The following PRUNE2 variants were observed in gnomAD, a reference collection of about 807,000 sequenced individuals.
The protein encoded by PRUNE2 is protein prune homolog 2.
Under a neutral mutation model 252.0 loss-of-function variants are expected in PRUNE2, and 164 were observed. That is an observed-to-expected ratio of 0.65 (90% confidence interval 0.57 to 0.74). The LOEUF is 0.74. Among genes scored for constraint, PRUNE2 ranks in the 30% least tolerant of loss-of-function variants. The pLI is 0.00. For synonymous variants in PRUNE2, 1,292 were observed against 1,350.2 expected (o/e 0.96, Z 0.94); for missense variants, 3,495 against 3,711.0 (o/e 0.94, Z 1.51).
In PRUNE2 at chr9:76,683,537, C is replaced by A. The variant is rs13298708; in HGVS notation, c.8276+19800G>T. On this transcript the variant is annotated intron_variant, in intron 9 of 18. Transcript: ENST00000376718. ...TTTTGTCACCCATCACCCAAAATGACCTCACTGATAAAACAGATTGGGAAA... is the reference window on the plus strand; with the variant it reads ...TTTTGTCACCCATCACCCAAAATGAACTCACTGATAAAACAGATTGGGAAA... Among the ~76,000 whole-genome samples the A allele has an allele frequency of 4.1e-3, 631 of 152,214 alleles. 2 individuals are homozygous for A. Among genetic ancestry groups the A allele is most frequent in the Non-Finnish European group, 7.2e-3 (490 of 68,024 alleles).
At chr9:76,727,709 G>GT (rs1204168069) in intron 6 of PRUNE2, among the ~76,000 whole-genome samples, 26 of 72,086 alleles carry the variant, frequency 3.6e-4, no homozygotes, top group East Asian at 1.1e-3. Flanking sequence ...GGTAAACAGG[G>GT]CTTTTTTTTT....
chr9:76,778,816 A>G (rs2054071364), intron 6 of PRUNE2: 1 of 152,212 alleles, frequency 6.6e-6, no homozygotes, highest in Non-Finnish European at 1.5e-5. Context: ...CACCAAATTT[A>G]ATATATGTCA....
intron 6 of PRUNE2, among the ~76,000 whole-genome samples, chr9:76,725,007 T>C (rs1285228827): frequency 1.3e-5 from 2 of 152,124 alleles, no homozygotes; most frequent in African/African-American, 4.8e-5. Flanking sequence ...AAAATAATAA[T>C]AATGAATGAT....
intron 1 of PRUNE2, among the ~76,000 whole-genome samples, chr9:76,894,493 A>G (rs2133574826): frequency 6.6e-6 from 1 of 152,276 alleles, no homozygotes; most frequent in African/African-American, 2.4e-5. Flanking sequence ...CGTGGCAGGG[A>G]GCAGCTGATC....
intron 12 of PRUNE2, among the ~76,000 whole-genome samples, chr9:76,640,088 C>T (rs1264028305): frequency 6.6e-6 from 1 of 152,134 alleles, no homozygotes; most frequent in African/African-American, 2.4e-5. Context: ...AAATTGATGT[C>T]ATATAGTTTT....
intron 1 of PRUNE2, among the ~76,000 whole-genome samples, chr9:76,894,234 G>T (rs2062671203): frequency 6.6e-6 from 1 of 152,212 alleles, no homozygotes; most frequent in Non-Finnish European, 1.5e-5. Flanking sequence ...CCAAAAGGAA[G>T]CAGCTCCAGA....
chr9:76,733,363 T>C (rs574102814), intron 6 of PRUNE2, among the ~76,000 whole-genome samples: 1 of 150,392 alleles, frequency 6.6e-6, no homozygotes, highest in East Asian at 2.0e-4. Context: ...GTCTTTGCAA[T>C]ACTCATAAAC....
intron 4 of PRUNE2, among the ~76,000 whole-genome samples, chr9:76,828,237 T>C (rs968619411): frequency 6.6e-6 from 1 of 152,152 alleles, no homozygotes; most frequent in South Asian, 2.1e-4. Flanking sequence ...AGGGAGGTCA[T>C]GATCCAGAAA....
Position 76,708,435 on chromosome 9 carries a change from A to G in PRUNE2, c.3839T>C (p.Ile1280Thr), listed in dbSNP as rs200650479. ...ASGTSESEAL[I>T]SHLDKQDTER... The stretch of plus-strand genomic sequence containing the variant: ...TGTGTCCTGCTTGTCAAGATGAGAT[A>G]TAAGTGCCTCTGATTCACTGGTTCC... Residue 1280 changes from isoleucine to threonine, a missense_variant, in exon 8 of 19, where the codon ATA becomes ACA. Physicochemically the swap from Ile to Thr is moderately conservative, Grantham distance 89. Transcript: ENST00000376718. The G allele has an allele frequency of 1.1e-5, 17 of 1,613,844 alleles. No homozygotes were observed. The African/African-American group carries it at 1.5e-4, about 14-fold the overall frequency.
intron 11 of PRUNE2, among the ~76,000 whole-genome samples, chr9:76,649,815 A>G (rs991971426): frequency 6.6e-6 from 1 of 152,190 alleles, no homozygotes; most frequent in Non-Finnish European, 1.5e-5. Context: ...GAGCTTCACA[A>G]ATTTTCCATA....
chr9:76,639,539 A>C (rs1841672473), intron 12 of PRUNE2, among the ~76,000 whole-genome samples: 2 of 152,172 alleles, frequency 1.3e-5, no homozygotes, highest in South Asian at 4.1e-4. Flanking sequence ...TTTTACTGCC[A>C]CGTAATCACT....
chr9:76,875,018 T>C (rs544216556), intron 1 of PRUNE2, among the ~76,000 whole-genome samples: 5 of 152,240 alleles, frequency 3.3e-5, no homozygotes, highest in African/African-American at 9.6e-5. Context: ...TGAGGCCTTT[T>C]TTTCCAAGCT....
chr9:76,806,851 A>T (rs1179830477), intron 6 of PRUNE2, among the ~76,000 whole-genome samples: 1 of 151,670 alleles, frequency 6.6e-6, no homozygotes, highest in Non-Finnish European at 1.5e-5. Flanking sequence ...GCAAATATTA[A>T]CCCATTTAAT....
chr9:76,807,221 T>C (rs1364552683), intron 6 of PRUNE2, among the ~76,000 whole-genome samples: 1 of 142,880 alleles, frequency 7.0e-6, no homozygotes, highest in Non-Finnish European at 1.5e-5. Context: ...CCACCATGTC[T>C]GGCTAATTTA....
At chr9:76,821,898 T>G (rs776623501) in intron 6 of PRUNE2, among the ~76,000 whole-genome samples, 2 of 152,154 alleles carry the variant, frequency 1.3e-5, no homozygotes, top group Non-Finnish European at 2.9e-5. Context: ...TTAAAATAAT[T>G]TGCTAATTAC....
chr9:76,653,559 G>C (rs1275366229), intron 10 of PRUNE2, among the ~76,000 whole-genome samples: 1 of 152,020 alleles, frequency 6.6e-6, no homozygotes, highest in Non-Finnish European at 1.5e-5. Flanking sequence ...TTGAATCCAC[G>C]GATTTGGAAC....
intron 9 of PRUNE2, 30 bp downstream of exon 9, chr9:76,703,307 G>T: frequency 6.5e-7 from 1 of 1,534,228 alleles, no homozygotes; most frequent in South Asian, 1.3e-5. Flanking sequence ...TGCTTTTCAG[G>T]AAAAAAAATA....
rs1347547644 is a variant in PRUNE2, at chr9:76,672,024, A to C, written c.8277-16522T>G. ...GAGCAAAATAACCAGCTAACATCAT[A>C]ATGACAGGATCAAATTCACACATAA... On this transcript the variant is annotated intron_variant, in intron 9 of 18. Coordinates refer to ENST00000376718, the MANE Select transcript of PRUNE2 (RefSeq NM_015225.3). Among the ~76,000 whole-genome samples the C allele has an allele frequency of 9.5e-3, 1,434 of 150,502 alleles. 9 individuals carry two copies. The highest frequency in any genetic ancestry group is 0.014 in the Non-Finnish European group (961 of 66,896).
At chr9:76,758,741 C>T (rs2051404629) in intron 6 of PRUNE2, 1 of 152,030 alleles carries the variant, frequency 6.6e-6, no homozygotes, top group South Asian at 2.1e-4. Flanking sequence ...TCTACATTAT[C>T]ACATTTAACC....
Sources: gnomAD v4.1 joint callset for allele counts (sites outside exome capture counted in the v4.1 genomes callset) on GRCh38, gnomAD v4.1.1 for gene constraint, MANE v1.5 for transcripts, NCBI Gene and HGNC (gene_info 2026-07-23, HGNC 2026-07-21) for gene names.